Variants in SLC39A11 observed in about 807,000 individuals in gnomAD.
SLC39A11 encodes the protein solute carrier family 39 member 11.
In SLC39A11, 33 loss-of-function variants were observed where a neutral mutation model predicts 36.1. The ratio of observed to expected loss-of-function variants is 0.91; its 90% confidence interval spans 0.69 to 1.22. The LOEUF (loss-of-function observed/expected upper bound fraction) is 1.22, where lower values mean the gene tolerates loss of function less well. Among genes scored for constraint, SLC39A11 ranks in the 50% most tolerant of loss-of-function variants. The probability of loss-of-function intolerance (pLI) is 0.00; values close to 1 mark genes in which losing one functional copy is unlikely to be tolerated. For synonymous variants in SLC39A11, 166 were observed against 170.3 expected, an observed-to-expected ratio of 0.97 and a Z score of 0.20; for missense variants, 432 against 430.3, an observed-to-expected ratio of 1.00 and a Z score of -0.03.
At chr17:72,955,868 A>G (rs1006751920) in intron 4 of SLC39A11, among the ~76,000 whole-genome samples, 1 of 152,182 alleles carries the variant, frequency 6.6e-6, no homozygotes, top group African/African-American at 2.4e-5. Flanking sequence ...AAGGCTTAAA[A>G]GAATTAACGA....
intron 7 of SLC39A11, among the ~76,000 whole-genome samples, chr17:72,693,973 A>T (rs550641903): frequency 5.3e-5 from 8 of 151,948 alleles, no homozygotes; most frequent in Non-Finnish European, 8.8e-5. Context: ...CCAGCTCTTT[A>T]TAGAAAAAGC....
intron 6 of SLC39A11, among the ~76,000 whole-genome samples, chr17:72,780,520 T>TCG (rs2076274170): frequency 1.8e-5 from 1 of 55,554 alleles, no homozygotes; most frequent in Non-Finnish European, 3.4e-5. Context: ...GCCCTGAAGA[T>TCG]GGGGGGCGGG....
At chr17:73,003,080 T>C (rs1240507722) in intron 4 of SLC39A11, among the ~76,000 whole-genome samples, 1 of 152,252 alleles carries the variant, frequency 6.6e-6, no homozygotes, top group Non-Finnish European at 1.5e-5. Context: ...GATTAGGACC[T>C]GAGTATCTCT....
Position 72,961,284 on chromosome 17 carries a change from T to C in SLC39A11, c.307-13409A>G, listed in dbSNP as rs181242595. Among the ~76,000 whole-genome samples the C allele has an allele frequency of 4.4e-3, 666 of 152,322 alleles. 3 individuals carry two copies. Among genetic ancestry groups the C allele is most frequent in the African/African-American group, 0.015 (606 of 41,576 alleles). ...TGGAGAAATAGGAACACTTTTACAC[T>C]GTTGGTGGGATTGTAAATTAGTTCA... On this transcript the variant is annotated intron_variant, in intron 4 of 9. Transcript: ENST00000255559.
chr17:72,996,255 C>T (rs1448253070), intron 4 of SLC39A11, among the ~76,000 whole-genome samples: 4 of 152,234 alleles, frequency 2.6e-5, no homozygotes, highest in African/African-American at 9.6e-5. Flanking sequence ...GCTGCACCCT[C>T]CGTGGCCGCT....
intron 7 of SLC39A11, among the ~76,000 whole-genome samples, chr17:72,697,090 T>A (rs939184638): frequency 2.0e-5 from 3 of 152,204 alleles, no homozygotes; most frequent in South Asian, 4.1e-4. Context: ...TTCTTATTCT[T>A]TTTCTTTTTT....
intron 3 of SLC39A11, 115 bp from the exon 4 acceptor site, chr17:73,031,829 G>C (rs1437645851): frequency 1.9e-6 from 2 of 1,064,280 alleles, no homozygotes; most frequent in Non-Finnish European, 2.7e-6. Context: ...CATGAGTTCA[G>C]TCTTTCGTCC....
chr17:72,662,652 AAAAG>A (rs2070514817), intron 7 of SLC39A11, among the ~76,000 whole-genome samples: 1 of 150,778 alleles, frequency 6.6e-6, no homozygotes, highest in Admixed American at 6.6e-5. Flanking sequence ...AGAAAAAGAA[AAAAG>A]AAAAGAAAAA....
chr17:72,784,587 G>A (rs985109383), intron 6 of SLC39A11, among the ~76,000 whole-genome samples: 8 of 152,086 alleles, frequency 5.3e-5, no homozygotes, highest in Admixed American at 4.6e-4. Context: ...GGGGCCTGGC[G>A]GGAGGTGTCT....
rs1031504912 is a variant in SLC39A11, at chr17:73,047,029, T to TA, written c.148-15316_148-15315insT. 8.8e-5 allele frequency among the ~76,000 whole-genome samples: 13 copies of TA among 147,616 alleles called. No homozygotes were observed. In the South Asian group the frequency reaches 1.3e-3, roughly 15 times the overall value. On this transcript the variant is annotated intron_variant, in intron 3 of 9. Coordinates refer to ENST00000255559, the MANE Select transcript of SLC39A11 (RefSeq NM_139177.4). ...CTTCTTCTTTTTTTATTTTATTTAT[T>TA]TTTTTTTTTTTTTGAGACGGAGTCT...
At chr17:72,758,843 C>A (rs192140855) in intron 6 of SLC39A11, among the ~76,000 whole-genome samples, 4 of 152,168 alleles carry the variant, frequency 2.6e-5, no homozygotes, top group African/African-American at 9.7e-5. Flanking sequence ...ATACGCCAAC[C>A]GGAACATTCT....
intron 7 of SLC39A11, among the ~76,000 whole-genome samples, chr17:72,697,883 C>T (rs2072389380): frequency 6.6e-6 from 1 of 152,192 alleles, no homozygotes; most frequent in East Asian, 1.9e-4. Flanking sequence ...GGCTGTAACC[C>T]CAGGGCTGGG....
intron 4 of SLC39A11, among the ~76,000 whole-genome samples, chr17:72,977,598 A>C (rs1430196407): frequency 6.6e-6 from 1 of 152,118 alleles, no homozygotes; most frequent in Non-Finnish European, 1.5e-5. Context: ...GTTTAGATGA[A>C]CCACCTGAAA....
chr17:72,799,943 T>A (rs2077028612), intron 6 of SLC39A11, among the ~76,000 whole-genome samples: 1 of 152,046 alleles, frequency 6.6e-6, no homozygotes, highest in African/African-American at 2.4e-5. Context: ...AATAAAAACT[T>A]GCCGGTCTGA....
intron 6 of SLC39A11, among the ~76,000 whole-genome samples, chr17:72,828,315 T>C (rs761341747): frequency 6.6e-6 from 1 of 152,038 alleles, no homozygotes; most frequent in Non-Finnish European, 1.5e-5. Context: ...GTAGGAGAGT[T>C]AGCAATAGAG....
intron 6 of SLC39A11, among the ~76,000 whole-genome samples, chr17:72,776,424 G>C (rs775285323): frequency 4.9e-4 from 74 of 152,214 alleles, no homozygotes; most frequent in Non-Finnish European, 8.2e-4. Context: ...TGCAATGCTT[G>C]ACTTTATATT....
At chr17:72,783,018 A>AG (rs1555671240) in intron 6 of SLC39A11, among the ~76,000 whole-genome samples, 2 of 142,286 alleles carry the variant, frequency 1.4e-5, no homozygotes, top group African/African-American at 6.1e-5. Flanking sequence ...AAAAAAAAAA[A>AG]AAAAGAAAAA....
intron 4 of SLC39A11, among the ~76,000 whole-genome samples, chr17:72,957,616 C>T (rs924600785): frequency 1.4e-4 from 22 of 152,170 alleles, no homozygotes; most frequent in African/African-American, 5.3e-4. Context: ...GTCAAAAGTT[C>T]GAGAACAGTC....
In SLC39A11 at chr17:73,008,474, C is replaced by G. The variant is rs79502137; in HGVS notation, c.306+23082G>C. Among the ~76,000 whole-genome samples the G allele has an allele frequency of 2.3e-4, 35 of 152,292 alleles. 1 individual carries two copies. In the East Asian group the frequency reaches 4.8e-3, roughly 21 times the overall value. On this transcript the variant is annotated intron_variant, in intron 4 of 9. Coordinates refer to ENST00000255559, the MANE Select transcript of SLC39A11 (RefSeq NM_139177.4). Reference sequence around the variant, plus strand: ...TCCTTCCAGCTCCTCCCATTCAGAGCTGAGCTTCACACATGTGGCTCCAGC... The same window carrying G: ...TCCTTCCAGCTCCTCCCATTCAGAGGTGAGCTTCACACATGTGGCTCCAGC...
Sources: allele counts gnomAD v4.1 joint callset (sites outside exome capture counted in the v4.1 genomes callset), GRCh38; gene constraint gnomAD v4.1.1; transcripts MANE v1.5; gene names NCBI Gene and HGNC (gene_info 2026-07-23, HGNC 2026-07-21).